The following LDLRAD4 variants were observed in gnomAD, a reference collection of about 807,000 sequenced individuals.
LDLRAD4 encodes low-density lipoprotein receptor class A domain-containing protein 4.
Under a neutral mutation model 17.0 loss-of-function variants are expected in LDLRAD4, and 5 were observed. The ratio of observed to expected loss-of-function variants is 0.29; its 90% CI spans 0.15 to 0.62. The LOEUF (loss-of-function observed/expected upper bound fraction) is 0.62. Among genes scored for constraint, LDLRAD4 ranks in the 20% least tolerant of loss-of-function variants. LDLRAD4 has a pLI of 0.84. For missense variants in LDLRAD4, 340 were observed against 424.7 expected, an observed-to-expected ratio of 0.80 and a Z score of 1.75; for synonymous variants, 168 against 171.8, an observed-to-expected ratio of 0.98 and a Z score of 0.17.
chr18:13,650,565 G>A, exon 6 of LDLRAD4: 1 of 394,486 alleles, frequency 2.5e-6, no homozygotes, highest in Non-Finnish European at 4.5e-6. Flanking sequence ...TGCACTTGAT[G>A]CTCCCACCTT....
At chr18:13,451,331 G>A (rs2091822851) in intron 3 of LDLRAD4, among the ~76,000 whole-genome samples, 1 of 152,156 alleles carries the variant, frequency 6.6e-6, no homozygotes, top group Admixed American at 6.5e-5. Context: ...GCTTGGTGCT[G>A]TCCTTGAGGT....
chr18:13,326,632 G>C (rs148473870), intron 1 of LDLRAD4, among the ~76,000 whole-genome samples: 7 of 152,358 alleles, frequency 4.6e-5, no homozygotes, highest in African/African-American at 1.7e-4. Flanking sequence ...AACCCTTCCA[G>C]ACCCCTGAGG....
intron 3 of LDLRAD4, among the ~76,000 whole-genome samples, chr18:13,518,528 C>A (rs1284090890): frequency 6.6e-6 from 1 of 152,202 alleles, no homozygotes; most frequent in African/African-American, 2.4e-5. Flanking sequence ...GAAGTCTTTG[C>A]AAGTCTCATT....
chr18:13,404,209 G>A (rs571978722), intron 2 of LDLRAD4, among the ~76,000 whole-genome samples: 3 of 152,376 alleles, frequency 2.0e-5, no homozygotes, highest in African/African-American at 7.2e-5. Context: ...TTGTTGAGGT[G>A]TGTCGGGGGT....
chr18:13,444,855 G>T (rs1266727762), intron 3 of LDLRAD4, among the ~76,000 whole-genome samples: 2 of 152,212 alleles, frequency 1.3e-5, no homozygotes, highest in Admixed American at 1.3e-4. Context: ...TTGCTTGCAA[G>T]GCCTAGTACC....
intron 3 of LDLRAD4, among the ~76,000 whole-genome samples, chr18:13,572,447 CAG>C (rs1346024958): frequency 6.6e-6 from 1 of 152,142 alleles, no homozygotes; most frequent in African/African-American, 2.4e-5. Flanking sequence ...TCTGGTTTAG[CAG>C]ATAAAGAGAA....
At chr18:13,406,961 G>A (rs1033030779) in intron 2 of LDLRAD4, among the ~76,000 whole-genome samples, 1 of 152,164 alleles carries the variant, frequency 6.6e-6, no homozygotes, top group Non-Finnish European at 1.5e-5. Flanking sequence ...TGAGGTGACT[G>A]TTTATTAATG....
intron 2 of LDLRAD4, among the ~76,000 whole-genome samples, chr18:13,411,581 T>C (rs1452193624): frequency 6.6e-6 from 1 of 152,142 alleles, no homozygotes; most frequent in African/African-American, 2.4e-5. Flanking sequence ...TCTCATGTGA[T>C]CTGATGGTTT....
chr18:13,223,257 G>T (rs1225573156), intron 1 of LDLRAD4, among the ~76,000 whole-genome samples: 1 of 152,204 alleles, frequency 6.6e-6, no homozygotes, highest in Non-Finnish European at 1.5e-5. Flanking sequence ...GCCCTCATCT[G>T]CTCTGTTCCT....
chr18:13,532,726 A>AT (rs1260751652), intron 3 of LDLRAD4, among the ~76,000 whole-genome samples: 1 of 152,254 alleles, frequency 6.6e-6, no homozygotes, highest in Non-Finnish European at 1.5e-5. Flanking sequence ...AGGCATGTTC[A>AT]TCTGTGTAAT....
At chr18:13,380,759 G>A (rs1219069861) in intron 1 of LDLRAD4, among the ~76,000 whole-genome samples, 3 of 152,070 alleles carry the variant, frequency 2.0e-5, no homozygotes, top group Non-Finnish European at 4.4e-5. Flanking sequence ...CGATGTTTTG[G>A]GTTTTGTACT....
intron 1 of LDLRAD4, among the ~76,000 whole-genome samples, chr18:13,327,762 C>G (rs555098487): frequency 6.6e-6 from 1 of 152,164 alleles, no homozygotes; most frequent in Non-Finnish European, 1.5e-5. Context: ...CAGAGACCCA[C>G]AGAGCAGGCT....
At chr18:13,533,818 T>C (rs1356073461) in intron 3 of LDLRAD4, among the ~76,000 whole-genome samples, 3 of 152,236 alleles carry the variant, frequency 2.0e-5, no homozygotes, top group African/African-American at 7.2e-5. Context: ...TAAGTTTCTC[T>C]CTTGACTCTG....
intron 1 of LDLRAD4, among the ~76,000 whole-genome samples, chr18:13,247,955 C>CCCCA (rs1555627106): frequency 7.7e-6 from 1 of 130,214 alleles, no homozygotes; most frequent in Non-Finnish European, 1.6e-5. Flanking sequence ...AGCGCCGCCC[C>CCCCA]CCGCCTTTTT....
chr18:13,527,895 C>T (rs1036204225), intron 3 of LDLRAD4, among the ~76,000 whole-genome samples: 6 of 152,194 alleles, frequency 3.9e-5, no homozygotes, highest in African/African-American at 7.2e-5. Context: ...CTGCTTCCCT[C>T]GCCATGGACA....
chr18:13,540,657 C>G (rs1486928947), intron 3 of LDLRAD4, among the ~76,000 whole-genome samples: 2 of 152,116 alleles, frequency 1.3e-5, no homozygotes, highest in African/African-American at 4.8e-5. Context: ...ATAATCTGTC[C>G]AAGGCAATTC....
chr18:13,222,801 G>C (rs1401593301), intron 1 of LDLRAD4, among the ~76,000 whole-genome samples: 1 of 152,188 alleles, frequency 6.6e-6, no homozygotes, highest in Non-Finnish European at 1.5e-5. Context: ...CCACACTCCC[G>C]TTCTTCCTCT....
intron 1 of LDLRAD4, among the ~76,000 whole-genome samples, chr18:13,381,225 G>A (rs2085337975): frequency 6.6e-6 from 1 of 151,936 alleles, no homozygotes; most frequent in Admixed American, 6.6e-5. Context: ...GCACAGCCAT[G>A]CCCAGCTAAT....
At position 13,398,833 on chromosome 18, in the gene LDLRAD4, G is replaced by A. The variant is rs541114535; in HGVS notation, c.40+11071G>A. Among the ~76,000 whole-genome samples, 15 of 152,310 alleles carry A rather than the reference G, an allele frequency of 9.8e-5. No homozygotes were observed. The South Asian group carries it at 2.9e-3, about 29-fold the overall frequency. Reference sequence around the variant, plus strand: ...TCCCCGGGGGCACTATAGCAACCGTGTGTTGTTGCCTGGGACTCACTTCCC... The same window carrying A: ...TCCCCGGGGGCACTATAGCAACCGTATGTTGTTGCCTGGGACTCACTTCCC... On this transcript the variant is annotated intron_variant, in intron 2 of 5. Coordinates refer to ENST00000359446, the Ensembl canonical transcript of LDLRAD4. The surrounding 1 kb of genome is among the most constrained non-coding windows in gnomAD (Gnocchi z 4.8).
Sources: gnomAD v4.1 joint callset for allele counts (sites outside exome capture counted in the v4.1 genomes callset) on GRCh38, gnomAD v4.1.1 for gene constraint, Gnocchi (gnomAD v3.1) non-coding constraint, MANE v1.5 for transcripts, NCBI Gene and HGNC (gene_info 2026-07-23, HGNC 2026-07-21) for gene names.